The following GRID1 variants were observed in gnomAD, a reference collection of about 807,000 sequenced individuals.
GRID1 encodes the protein glutamate receptor ionotropic, delta-1.
GRID1 carries 28 observed loss-of-function variants against 98.0 expected under a neutral mutation model. The observed-to-expected ratio is 0.29, with a 90% CI of 0.21 to 0.39. GRID1 has a LOEUF of 0.39. Ranked by LOEUF, GRID1 falls within the 10% of genes least tolerant of loss-of-function variation. The pLI is 1.00. For synonymous variants in GRID1, 553 were observed against 538.5 expected (o/e 1.03, Z -0.37); for missense variants, 1,111 against 1,340.5 (o/e 0.83, Z 2.67).
intron 4 of GRID1, among the ~76,000 whole-genome samples, chr10:85,920,427 C>T (rs1453247883): frequency 2.0e-5 from 3 of 152,166 alleles, no homozygotes; most frequent in African/African-American, 7.2e-5. Context: ...TTGAAGTACA[C>T]GTGCATAATC....
intron 2 of GRID1, among the ~76,000 whole-genome samples, chr10:86,254,469 TG>T (rs763417072): frequency 3.7e-4 from 56 of 152,244 alleles, no homozygotes; most frequent in Admixed American, 8.5e-4. Flanking sequence ...GCTCTGTAAT[TG>T]TGTCTTTTGA....
At chr10:86,221,491 T>TTGTGGGC (rs1229288733) in intron 2 of GRID1, among the ~76,000 whole-genome samples, 1 of 152,012 alleles carries the variant, frequency 6.6e-6, no homozygotes, top group African/African-American at 2.4e-5. Context: ...GAGGAAGCCT[T>TTGTGGGC]TGTGGGCTGT....
chr10:86,064,585 A>G (rs1385360630), intron 4 of GRID1, among the ~76,000 whole-genome samples: 4 of 152,230 alleles, frequency 2.6e-5, no homozygotes, highest in Non-Finnish European at 5.9e-5. Context: ...CAAGGTTGGT[A>G]GGCAAAGCTG....
At chr10:85,670,272 T>C (rs918542693) in intron 12 of GRID1, among the ~76,000 whole-genome samples, 22 of 152,140 alleles carry the variant, frequency 1.4e-4, no homozygotes, top group African/African-American at 5.3e-4. Flanking sequence ...TGGAAAATGA[T>C]GTTGTGTAGA....
chr10:86,267,399 C>A (rs1347999278), intron 2 of GRID1, among the ~76,000 whole-genome samples: 4 of 152,256 alleles, frequency 2.6e-5, no homozygotes, highest in Non-Finnish European at 4.4e-5. Flanking sequence ...CCTGGGGCTG[C>A]TGAGTGCCCA....
chr10:85,681,719 C>A (rs1439324765), intron 12 of GRID1, among the ~76,000 whole-genome samples: 1 of 152,326 alleles, frequency 6.6e-6, no homozygotes, highest in African/African-American at 2.4e-5. Context: ...TGACACATCA[C>A]TCCAGGTTGT....
intron 12 of GRID1, among the ~76,000 whole-genome samples, chr10:85,654,454 T>C (rs1840870865): frequency 6.6e-6 from 1 of 152,210 alleles, no homozygotes; most frequent in East Asian, 1.9e-4. Context: ...ACGTTATAAA[T>C]AAAAAATGTG....
At chr10:86,103,845 G>A (rs1379273601) in intron 4 of GRID1, among the ~76,000 whole-genome samples, 1 of 152,124 alleles carries the variant, frequency 6.6e-6, no homozygotes, top group Non-Finnish European at 1.5e-5. Flanking sequence ...AACCACTGTT[G>A]GGCTGAACCC....
chr10:85,926,440 C>T (rs947258144), intron 4 of GRID1, among the ~76,000 whole-genome samples: 3 of 152,164 alleles, frequency 2.0e-5, no homozygotes, highest in African/African-American at 7.2e-5. Flanking sequence ...CACTTTAAGA[C>T]AGCCCCTCTC....
intron 5 of GRID1, among the ~76,000 whole-genome samples, chr10:85,883,145 T>C (rs1031246828): frequency 1.3e-5 from 2 of 152,302 alleles, no homozygotes; most frequent in East Asian, 3.9e-4. Context: ...GGCCTCATTC[T>C]AAACAATTTC....
intron 8 of GRID1, among the ~76,000 whole-genome samples, chr10:85,777,042 T>C (rs1842337958): frequency 6.6e-6 from 1 of 152,188 alleles, no homozygotes; most frequent in Non-Finnish European, 1.5e-5. Flanking sequence ...ATAAAATGCA[T>C]TACTTCCCAG....
chr10:85,870,970 G>A (rs750368579), intron 5 of GRID1, among the ~76,000 whole-genome samples: 31 of 152,058 alleles, frequency 2.0e-4, no homozygotes, highest in Non-Finnish European at 3.7e-4. Flanking sequence ...GAGAGGATTA[G>A]AGAGGAACAA....
At chr10:86,232,606 G>T (rs1458044527) in intron 2 of GRID1, among the ~76,000 whole-genome samples, 1 of 152,190 alleles carries the variant, frequency 6.6e-6, no homozygotes, top group Non-Finnish European at 1.5e-5. Flanking sequence ...TTTAGTAAAG[G>T]GAAGTAGAGA....
intron 3 of GRID1, among the ~76,000 whole-genome samples, chr10:86,201,695 T>TTA (rs1845955102): frequency 5.7e-5 from 8 of 141,472 alleles, no homozygotes; most frequent in Non-Finnish European, 1.2e-4. Flanking sequence ...AAATAAAAGT[T>TTA]AAAAAAAAAA....
At chr10:85,695,967 T>A (rs1342467306) in intron 12 of GRID1, among the ~76,000 whole-genome samples, 4 of 152,204 alleles carry the variant, frequency 2.6e-5, no homozygotes, top group African/African-American at 9.6e-5. Context: ...TCTTCAGACA[T>A]GTCTGACACC....
intron 2 of GRID1, among the ~76,000 whole-genome samples, chr10:86,296,301 T>C (rs917942670): frequency 4.6e-5 from 7 of 152,240 alleles, no homozygotes; most frequent in African/African-American, 1.7e-4. Flanking sequence ...GTGCCCAATG[T>C]CTGTCTGTTT....
intron 4 of GRID1, among the ~76,000 whole-genome samples, chr10:86,119,105 G>A (rs1457075870): frequency 6.6e-6 from 1 of 152,156 alleles, no homozygotes; most frequent in African/African-American, 2.4e-5. Context: ...AGAGGCTAAG[G>A]CAGTGGATCA....
At chr10:85,642,363 C>T (rs137876484) in intron 13 of GRID1, among the ~76,000 whole-genome samples, 7 of 152,310 alleles carry the variant, frequency 4.6e-5, no homozygotes, top group Non-Finnish European at 1.0e-4. Context: ...TCTCTCCTCT[C>T]TCTTTGTGAC....
At chr10:86,164,445 C>T (rs951179868) in intron 3 of GRID1, among the ~76,000 whole-genome samples, 18 of 152,212 alleles carry the variant, frequency 1.2e-4, no homozygotes, top group African/African-American at 4.3e-4. Flanking sequence ...CATTCATGCA[C>T]AGGATAAATA....
Sources: gnomAD v4.1 joint callset for allele counts (sites outside exome capture counted in the v4.1 genomes callset) on GRCh38, gnomAD v4.1.1 for gene constraint, MANE v1.5 for transcripts, NCBI Gene and HGNC (gene_info 2026-07-23, HGNC 2026-07-21) for gene names.